PROSER3: variants seen among roughly 807,000 people sequenced by gnomAD.
PROSER3 encodes the protein proline and serine-rich protein 3.
Under a neutral mutation model 50.2 loss-of-function variants are expected in PROSER3, and 33 were observed. The observed-to-expected ratio is 0.66, with a 90% CI of 0.50 to 0.88. The LOEUF is 0.88. Among genes scored for constraint, PROSER3 ranks in the 40% least tolerant of loss-of-function variants. The probability of loss-of-function intolerance (pLI) is 0.00; values close to 1 mark genes in which losing one functional copy is unlikely to be tolerated. For synonymous variants in PROSER3, 266 were observed against 259.3 expected (o/e 1.03, Z -0.25); for missense variants, 623 against 612.7 (o/e 1.02, Z -0.18).
At chr19:35,764,474 T>C (rs1307100548) in intron 5 of PROSER3, among the ~76,000 whole-genome samples, 2 of 151,970 alleles carry the variant, frequency 1.3e-5, no homozygotes, top group South Asian at 4.1e-4. Context: ...CTGACCAACA[T>C]GGAGAAGCCC....
rs900589203 is a variant in PROSER3, at chr19:35,760,316, C to T, written c.311+325C>T. On this transcript the variant is annotated intron_variant, in intron 3 of 10. Coordinates refer to ENST00000396908, the Ensembl canonical transcript of PROSER3. ...CACTATAACCTCAAACTCCTGGGCT[C>T]AAGCCGTCCTCCCACCTCAGCCTCC... Among the ~76,000 whole-genome samples, 5 of 152,144 alleles carry T rather than the reference C, an allele frequency of 3.3e-5. No individual in the cohort carries two copies. The East Asian group carries it at 9.6e-4, about 29-fold the overall frequency.
intron 8 of PROSER3, 39 bp from the exon 9 acceptor site, chr19:35,767,031 CCT>C (rs35876904): frequency 0.6 from 823,075 of 1,375,500 alleles, 253,418 homozygotes; most frequent in East Asian, 0.88. Context: ...GACCCTCCAC[CCT>C]CTCTCTCTCT....
At chr19:35,765,113 C>G in exon 7 of PROSER3, 2 of 1,614,006 alleles carry the variant, frequency 1.2e-6, no homozygotes, top group Non-Finnish European at 1.7e-6. Flanking sequence ...CTCTGATGGC[C>G]TCTCTCCCTT....
At chr19:35,765,172 A>G (rs1034539135) in exon 7 of PROSER3, 3 of 1,612,956 alleles carry the variant, frequency 1.9e-6, no homozygotes, top group Admixed American at 3.3e-5. Context: ...GCCCCAGGGC[A>G]CCCGGTAAGG....
chr19:35,768,146 C>T lies in PROSER3; in HGVS notation c.1220-9C>T. ...CCCCTTGGAGCTCATTCTTTTCTCC[C>T]CGGCCCAGACTCCGACGGCAGCGAG... On this transcript the variant is annotated splice_polypyrimidine_tract_variant and intron_variant, in intron 9 of 10. Coordinates refer to ENST00000396908, the Ensembl canonical transcript of PROSER3. 1 of 1,612,244 alleles carries T rather than the reference C, an allele frequency of 6.2e-7. No homozygotes were observed. Among genetic ancestry groups the T allele is most frequent in the Non-Finnish European group, 8.5e-7 (1 of 1,178,998 alleles).
At chr19:35,767,149 C>CA in intron 8 of PROSER3, 2 of 651,952 alleles carry the variant, frequency 3.1e-6, no homozygotes, top group Non-Finnish European at 4.9e-6. Flanking sequence ...GCAGTGTGGC[C>CA]CAGCCTGGTC....
Position 35,765,177 on chromosome 19 carries a change from G to T in PROSER3, c.769+1G>T, listed in dbSNP as rs765213243. 4 of 1,612,706 alleles carry T rather than the reference G, an allele frequency of 2.5e-6. No homozygotes were observed. Among genetic ancestry groups the T allele is most frequent in the Non-Finnish European group, 3.4e-6 (4 of 1,179,814 alleles). On this transcript the variant is annotated splice_donor_variant, in intron 7 of 10. Coordinates refer to ENST00000396908, the Ensembl canonical transcript of PROSER3. LOFTEE classifies it high-confidence loss of function. ...AAGGGCCTTGGCCCCAGGGCACCCG[G>T]TAAGGGCTGAGAGGCAAAGACTGAG...
chr19:35,768,790 C>T (rs1018087419), exon 11 of PROSER3: 14 of 386,062 alleles, frequency 3.6e-5, no homozygotes, highest in Non-Finnish European at 5.4e-5. Context: ...AGACTTCTGG[C>T]AAGACTGGGA....
Sources: gnomAD v4.1 joint callset for allele counts (sites outside exome capture counted in the v4.1 genomes callset) on GRCh38, gnomAD v4.1.1 for gene constraint, MANE v1.5 for transcripts, NCBI Gene and HGNC (gene_info 2026-07-23, HGNC 2026-07-21) for gene names.